The following RP1L1 variants were observed in gnomAD, a reference collection of about 807,000 sequenced individuals.
The protein encoded by RP1L1 is retinitis pigmentosa 1-like 1 protein.
RP1L1 carries 27 observed loss-of-function variants against 15.7 expected under a neutral mutation model. That is an observed-to-expected ratio of 1.72 (90% CI 1.27 to 2.38). The LOEUF is 2.38. Among genes scored for constraint, RP1L1 ranks in the 30% most tolerant of loss-of-function variants. The pLI is 0.00. For missense variants in RP1L1, 4,798 were observed against 3,075.9 expected (o/e 1.56, Z -13.24); for synonymous variants, 1,813 against 1,276.7 (o/e 1.42, Z -8.96).
chr8:10,628,507 C>G (rs1018974321), intron 1 of RP1L1, among the ~76,000 whole-genome samples: 1 of 152,026 alleles, frequency 6.6e-6, no homozygotes, highest in Non-Finnish European at 1.5e-5. Context: ...TCCAGGAAGC[C>G]CAGGCTAAGA....
At chr8:10,634,881 A>C (rs1432779433) in intron 1 of RP1L1, among the ~76,000 whole-genome samples, 8 of 152,150 alleles carry the variant, frequency 5.3e-5, no homozygotes. Flanking sequence ...AAGGGACACC[A>C]AGGGTCCTTG....
intron 1 of RP1L1, among the ~76,000 whole-genome samples, chr8:10,626,318 G>A (rs964552246): frequency 2.6e-5 from 4 of 152,204 alleles, no homozygotes; most frequent in African/African-American, 9.7e-5. Flanking sequence ...GGCTGAGCAG[G>A]GAGAGGGACA....
Position 10,652,422 on chromosome 8 carries a change from A to C in RP1L1, c.-20+2476T>G, listed in dbSNP as rs79204630. ...GTGGTGGAGAGAAAGCAGATTATACATGTAGATCTCCTGCTATGCACCAGA... is the reference window on the plus strand; with the variant it reads ...GTGGTGGAGAGAAAGCAGATTATACCTGTAGATCTCCTGCTATGCACCAGA... On this transcript the variant is annotated intron_variant, in intron 1 of 3. Transcript: ENST00000382483. Among the ~76,000 whole-genome samples, 1,323 of 150,996 alleles carry C rather than the reference A, an allele frequency of 8.8e-3. 14 individuals carry two copies. Among genetic ancestry groups the C allele is most frequent in the African/African-American group, 0.03 (1,243 of 41,074 alleles).
At chr8:10,634,105 G>A (rs145487325) in intron 1 of RP1L1, among the ~76,000 whole-genome samples, 10 of 152,212 alleles carry the variant, frequency 6.6e-5, no homozygotes, top group African/African-American at 2.2e-4. Flanking sequence ...ATACCACAGC[G>A]GTCTGAGTAA....
chr8:10,653,132 A>T (rs530542582), intron 1 of RP1L1, among the ~76,000 whole-genome samples: 1 of 152,312 alleles, frequency 6.6e-6, no homozygotes, highest in East Asian at 1.9e-4. Context: ...ACTAATTTAT[A>T]TGACATACTT....
rs1049219009 is a variant in RP1L1 at position 10,629,254 on chromosome 8, C to T, written c.-19-6034G>A. Among the ~76,000 whole-genome samples, 12 of 150,660 alleles carry T rather than the reference C, an allele frequency of 8.0e-5. No homozygotes were observed. In the South Asian group the frequency reaches 2.5e-3, roughly 32 times the overall value. On this transcript the variant is annotated intron_variant, in intron 1 of 3. Coordinates refer to ENST00000382483, the MANE Select transcript of RP1L1 (RefSeq NM_178857.6). ...CAGCTGCTGGTGCTGGAGGTAGCTG[C>T]CAAGGGTCTGGAAAGTGCATGGGCA...
At position 10,610,156 on chromosome 8, in the gene RP1L1, C is replaced by T. The variant is rs762603297; in HGVS notation, c.3942G>A (p.Gly1314=). 6.8e-6 allele frequency: 11 copies of T among 1,612,178 alleles called. No individual in the cohort carries two copies. The African/African-American group carries it at 9.4e-5, about 14-fold the overall frequency. ...EETKEGTEGE[G]LQEEAVQLEE... is the part of the protein sequence containing the mutation. ...CTAACTGCACCGCCTCTTCTTGCAG[C>T]CCTTCTCCTTCTGTTCCTTCTTTAG... The change falls in exon 4 of 4, where the codon GGG becomes GGA. Residue 1314 remains glycine (G), a synonymous_variant. Coordinates refer to ENST00000382483, the MANE Select transcript of RP1L1 (RefSeq NM_178857.6).
intron 1 of RP1L1, among the ~76,000 whole-genome samples, chr8:10,653,841 G>A (rs567693669): frequency 2.6e-5 from 4 of 152,310 alleles, no homozygotes; most frequent in Admixed American, 6.5e-5. Context: ...CATCTTGAAG[G>A]TGTGTTCTCA....
Position 10,612,676 on chromosome 8 carries a change from C to A in RP1L1, c.1422G>T (p.Arg474Ser), listed in dbSNP as rs1218261304. ...CACTGTCCACCCCGTCCTCCGGGGTCCTGGGGCAGCAGGAGGACTCTGGCT... is the reference window on the plus strand; with the variant it reads ...CACTGTCCACCCCGTCCTCCGGGGTACTGGGGCAGCAGGAGGACTCTGGCT... ...GSEPESSCCP[R>S]TPEDGVDSAS... The change falls in exon 4 of 4, where the codon AGG becomes AGT. Residue 474 changes from arginine (R) to serine (S), a missense_variant. Transcript: ENST00000382483. 6.2e-7 allele frequency: 1 copy of A among 1,602,588 alleles called. No individual in the cohort carries two copies. Among genetic ancestry groups the A allele is most frequent in the South Asian group, 1.1e-5 (1 of 90,974 alleles).
chr8:10,623,047 G>C lies in RP1L1; in HGVS notation c.155C>G (p.Ala52Gly), dbSNP rs1798095640. Residue 52 changes from alanine to glycine, a missense_variant, in exon 2 of 4, where the codon GCC becomes GGC. By Grantham distance (60) the Ala-to-Gly change is moderately conservative. Transcript: ENST00000382483. ...GDPRFAGVRL[A>G]VHQRAFKTFS... ...GGTCTTAAAGGCGCGCTGGTGAACG[G>C]CCAGGCGGACCCCAGCAAACCGTGG... 1.9e-6 allele frequency: 3 copies of C among 1,614,054 alleles called. No individual in the cohort carries two copies. Among genetic ancestry groups the C allele is most frequent in the African/African-American group, 1.3e-5 (1 of 74,932 alleles).
Position 10,622,902 on chromosome 8 carries a change from G to C in RP1L1, c.300C>G (p.Gly100=), listed in dbSNP as rs745390463. 6.2e-7 allele frequency: 1 copy of C among 1,613,918 alleles called. No homozygotes were observed. The highest frequency in any genetic ancestry group is 1.3e-5 in the African/African-American group (1 of 75,046). ...GCTTCTTATCAGAGCAGAGGTAGCA[G>C]CCTCCATCTTCCAGCTGCTCCAGGG... ...LSALEQLEDG[G]CYLCSDKKPP... The change falls in exon 2 of 4, where the codon GGC becomes GGG. Residue 100 remains glycine, a synonymous_variant. Coordinates refer to ENST00000382483, the MANE Select transcript of RP1L1 (RefSeq NM_178857.6).
chr8:10,635,700 G>A (rs1318457374), intron 1 of RP1L1, among the ~76,000 whole-genome samples: 4 of 152,208 alleles, frequency 2.6e-5, no homozygotes, highest in African/African-American at 9.6e-5. Flanking sequence ...GGCCAAGAAA[G>A]TAAGTGGTAA....
chr8:10,626,002 G>A (rs1405330477), intron 1 of RP1L1, among the ~76,000 whole-genome samples: 1 of 152,090 alleles, frequency 6.6e-6, no homozygotes, highest in African/African-American at 2.4e-5. Flanking sequence ...AGCTGTGTGT[G>A]GGAGGGGGTA....
At chr8:10,628,770 A>T (rs1798196373) in intron 1 of RP1L1, among the ~76,000 whole-genome samples, 1 of 152,196 alleles carries the variant, frequency 6.6e-6, no homozygotes, top group Admixed American at 6.5e-5. Context: ...ACTGGAAGAA[A>T]CCTGATATTG....
intron 2 of RP1L1, among the ~76,000 whole-genome samples, chr8:10,618,086 C>G (rs1280986333): frequency 2.0e-5 from 3 of 152,210 alleles, no homozygotes; most frequent in Non-Finnish European, 2.9e-5. Context: ...AAGCACAGAG[C>G]ATGTTCTTTT....
At chr8:10,628,613 G>T (rs549649844) in intron 1 of RP1L1, among the ~76,000 whole-genome samples, 1 of 152,106 alleles carries the variant, frequency 6.6e-6, no homozygotes, top group African/African-American at 2.4e-5. Flanking sequence ...ATGGAGCCCC[G>T]GTGGTATGAC....
At chr8:10,653,215 G>A (rs187657912) in intron 1 of RP1L1, among the ~76,000 whole-genome samples, 30 of 152,292 alleles carry the variant, frequency 2.0e-4, no homozygotes, top group Non-Finnish European at 2.6e-4. Context: ...TGGAAAATGC[G>A]TTTTACAGGG....
intron 1 of RP1L1, among the ~76,000 whole-genome samples, chr8:10,653,793 A>G (rs141996852): frequency 6.6e-6 from 1 of 152,366 alleles, no homozygotes; most frequent in African/African-American, 2.4e-5. Context: ...AGATGTTTAT[A>G]TAACCGAGAG....
intron 1 of RP1L1, among the ~76,000 whole-genome samples, chr8:10,654,014 G>C (rs543461630): frequency 2.0e-4 from 30 of 152,264 alleles, no homozygotes; most frequent in Non-Finnish European, 2.8e-4. Flanking sequence ...GGATGAGCTG[G>C]CTGTGGGGCA....
Sources: allele counts gnomAD v4.1 joint callset (sites outside exome capture counted in the v4.1 genomes callset), GRCh38; gene constraint gnomAD v4.1.1; transcripts MANE v1.5; gene names NCBI Gene and HGNC (gene_info 2026-07-23, HGNC 2026-07-21).